PCDH15: variants seen among roughly 807,000 people sequenced by gnomAD.
PCDH15 encodes the protein protocadherin-15.
A neutral mutation model predicts 178.5 loss-of-function variants in PCDH15; 129 were observed. The observed-to-expected ratio is 0.72, with a 90% CI of 0.63 to 0.84. The LOEUF (loss-of-function observed/expected upper bound fraction) is 0.84. Among genes scored for constraint, PCDH15 ranks in the 40% least tolerant of loss-of-function variants. The probability of loss-of-function intolerance (pLI) is 0.00; values close to 1 mark genes in which losing one functional copy is unlikely to be tolerated. For synonymous variants in PCDH15, 800 were observed against 732.0 expected, an observed-to-expected ratio of 1.09 and a Z score of -1.50; for missense variants, 2,230 against 2,099.9, an observed-to-expected ratio of 1.06 and a Z score of -1.21.
chr10:53,864,181 C>T (rs780195836), intron 27 of PCDH15, among the ~76,000 whole-genome samples: 7 of 152,028 alleles, frequency 4.6e-5, no homozygotes, highest in Non-Finnish European at 1.0e-4. Context: ...TTTGTGCTGA[C>T]TTCCTAAAGC....
intron 25 of PCDH15, 139 bp from the exon 26 acceptor site, chr10:53,903,509 A>G (rs887346416): frequency 4.5e-6 from 4 of 897,596 alleles, no homozygotes; most frequent in Middle Eastern, 3.3e-4. Flanking sequence ...CATGCCTAGC[A>G]CCCCCAAATT....
intron 15 of PCDH15, among the ~76,000 whole-genome samples, chr10:54,115,397 T>C (rs987013898): frequency 6.6e-6 from 1 of 152,198 alleles, no homozygotes; most frequent in African/African-American, 2.4e-5. Context: ...CACCATGATA[T>C]GCTTCACACA....
intron 32 of PCDH15, chr10:53,823,197 G>T (rs767016017): frequency 6.2e-7 from 1 of 1,614,006 alleles, no homozygotes; most frequent in Non-Finnish European, 8.5e-7. Flanking sequence ...GAATTTTCTT[G>T]CAGACTTCAG....
chr10:54,415,239 C>T (rs1954149328), intron 3 of PCDH15, among the ~76,000 whole-genome samples: 1 of 151,452 alleles, frequency 6.6e-6, no homozygotes, highest in Admixed American at 6.6e-5. Flanking sequence ...GGTCTTTATC[C>T]ACAAAAGGGG....
At chr10:55,158,824 C>A (rs1173904194) in intron 2 of PCDH15, among the ~76,000 whole-genome samples, 1 of 150,762 alleles carries the variant, frequency 6.6e-6, no homozygotes, top group Non-Finnish European at 1.5e-5. Flanking sequence ...GAGCAGGGAG[C>A]TTTATGTGGA....
intron 2 of PCDH15, among the ~76,000 whole-genome samples, chr10:55,476,817 ATTACAT>A (rs1424881969): frequency 6.6e-6 from 1 of 152,018 alleles, no homozygotes; most frequent in Non-Finnish European, 1.5e-5. Flanking sequence ...GAGCATTGCA[ATTACAT>A]TTACTCAAAG....
chr10:53,874,904 A>T lies in PCDH15; in HGVS notation c.3502-8047T>A, dbSNP rs185047114. ...AAATGAAAAAGTATCTTTTAGAAAT[A>T]AAAAAAAATTAGAATTAAATACCCC... On this transcript the variant is annotated intron_variant, in intron 26 of 37. Coordinates refer to ENST00000644397, the MANE Select transcript of PCDH15 (RefSeq NM_001384140.1). Among the ~76,000 whole-genome samples the T allele has an allele frequency of 9.1e-3, 1,343 of 148,008 alleles. 18 individuals are homozygous for T. Among genetic ancestry groups the T allele is most frequent in the African/African-American group, 0.03 (1,176 of 39,736 alleles).
intron 1 of PCDH15, among the ~76,000 whole-genome samples, chr10:54,793,583 A>C (rs977320177): frequency 2.0e-5 from 3 of 151,544 alleles, no homozygotes; most frequent in Non-Finnish European, 4.4e-5. Context: ...TAGAAAAATA[A>C]AAAATTAGAA....
intron 2 of PCDH15, among the ~76,000 whole-genome samples, chr10:55,159,384 T>C (rs1319374631): frequency 1.7e-3 from 13 of 7,454 alleles, no homozygotes; most frequent in South Asian, 0.038. Flanking sequence ...TATATATATA[T>C]ATATACACAC....
chr10:55,251,220 G>C (rs150647086), intron 1 of PCDH15, among the ~76,000 whole-genome samples: 1,604 of 151,990 alleles, frequency 0.011, 37 homozygotes, highest in African/African-American at 0.037. Flanking sequence ...TGTATATTTA[G>C]TTTTATACAT....
chr10:54,339,542 G>A (rs1935473), intron 6 of PCDH15, among the ~76,000 whole-genome samples: 10,796 of 152,104 alleles, frequency 0.071, 501 homozygotes, highest in African/African-American at 0.12. Flanking sequence ...AACAAAAGGT[G>A]ACCAAATGAG....
At chr10:55,437,298 G>T (rs1047066503) in intron 2 of PCDH15, among the ~76,000 whole-genome samples, 4 of 152,242 alleles carry the variant, frequency 2.6e-5, no homozygotes, top group African/African-American at 9.6e-5. Flanking sequence ...TAAAGAGTTT[G>T]GGCCCTTTAA....
chr10:55,190,145 G>A (rs1015479114), intron 1 of PCDH15, among the ~76,000 whole-genome samples: 3 of 151,670 alleles, frequency 2.0e-5, no homozygotes, highest in Admixed American at 6.6e-5. Flanking sequence ...CCAGATACAT[G>A]ATAATACATA....
chr10:55,309,835 C>T (rs149802425), intron 1 of PCDH15, among the ~76,000 whole-genome samples: 37 of 152,220 alleles, frequency 2.4e-4, no homozygotes, highest in Middle Eastern at 6.8e-3. Flanking sequence ...CCTTTAATGT[C>T]TTCCCTTACT....
intron 2 of PCDH15, among the ~76,000 whole-genome samples, chr10:55,030,136 T>C (rs1248992082): frequency 6.6e-6 from 1 of 152,178 alleles, no homozygotes; most frequent in Non-Finnish European, 1.5e-5. Flanking sequence ...ATTAAGTCAG[T>C]TTCCAAAAAT....
At chr10:54,049,797 T>A (rs2093729867) in intron 18 of PCDH15, among the ~76,000 whole-genome samples, 1 of 152,074 alleles carries the variant, frequency 6.6e-6, no homozygotes, top group Non-Finnish European at 1.5e-5. Context: ...ATTTTTGTCT[T>A]TTTAGTAGAG....
chr10:55,006,619 G>A (rs1443200303), intron 2 of PCDH15, among the ~76,000 whole-genome samples: 1 of 152,022 alleles, frequency 6.6e-6, no homozygotes, highest in Non-Finnish European at 1.5e-5. Flanking sequence ...ATTTAAACGT[G>A]TATGGCACCT....
At chr10:54,148,593 A>G (rs952850911) in intron 14 of PCDH15, among the ~76,000 whole-genome samples, 2 of 152,148 alleles carry the variant, frequency 1.3e-5, no homozygotes, top group Middle Eastern at 3.4e-3. Context: ...TGGAGGGCCA[A>G]GTGTATATTT....
chr10:55,432,043 G>T (rs1838892086), intron 2 of PCDH15, among the ~76,000 whole-genome samples: 1 of 150,900 alleles, frequency 6.6e-6, no homozygotes, highest in Non-Finnish European at 1.5e-5. Context: ...AAAAAATAAA[G>T]AAAGCAAGAG....
Sources: allele counts gnomAD v4.1 joint callset (sites outside exome capture counted in the v4.1 genomes callset), GRCh38; gene constraint gnomAD v4.1.1; transcripts MANE v1.5; gene names NCBI Gene and HGNC (gene_info 2026-07-23, HGNC 2026-07-21).